FANCA: variants seen among roughly 807,000 people sequenced by gnomAD.
FANCA encodes FA complementation group A, also known as Fanconi anemia group A protein.
A neutral mutation model predicts 194.3 loss-of-function variants in FANCA; 236 were observed. The observed-to-expected ratio is 1.21, with a 90% CI of 1.09 to 1.35. FANCA has a LOEUF of 1.35. FANCA is among the 40% of genes most tolerant of loss of function. The pLI is 0.00. For synonymous variants in FANCA, 1,014 were observed against 715.8 expected, an observed-to-expected ratio of 1.42 and a Z score of -6.65; for missense variants, 2,628 against 1,813.9, an observed-to-expected ratio of 1.45 and a Z score of -8.15.
intron 32 of FANCA, 47 bp from the exon 33 acceptor site, chr16:89,748,814 T>G: frequency 2.0e-6 from 3 of 1,491,630 alleles, no homozygotes; most frequent in South Asian, 1.2e-5. Context: ...GCGTACACTC[T>G]GCTCCTTCCC....
Position 89,762,006 on chromosome 16 carries a change from C to A in FANCA, c.2795G>T (p.Trp932Leu). The change falls in exon 29 of 43, where the codon TGG (tryptophan) becomes TTG (leucine). Residue 932 changes from tryptophan to leucine, a missense_variant. Physicochemically the swap from Trp to Leu is moderately conservative, Grantham distance 61 (BLOSUM62 -2). Coordinates refer to ENST00000389301, the MANE Select transcript of FANCA (RefSeq NM_000135.4). ...EEDVHLTYQD[W>L]LHLELEIQPE... ...TTGAATTTCCAGCTCCAGGTGTAACCAGTCTTGGTAAGTTAACTGAGAAAG... is the reference window on the plus strand; with the variant it reads ...TTGAATTTCCAGCTCCAGGTGTAACAAGTCTTGGTAAGTTAACTGAGAAAG... 6.2e-7 allele frequency: 1 copy of A among 1,613,870 alleles called. No homozygotes were observed. Among genetic ancestry groups the A allele is most frequent in the East Asian group, 2.2e-5 (1 of 44,880 alleles).
At chr16:89,766,106 C>T (rs759382261) in intron 27 of FANCA, among the ~76,000 whole-genome samples, 3 of 151,754 alleles carry the variant, frequency 2.0e-5, no homozygotes, top group Non-Finnish European at 4.4e-5. Context: ...AAGCGATTCT[C>T]CTGCCTCAGC....
intron 6 of FANCA, among the ~76,000 whole-genome samples, chr16:89,807,344 C>G (rs1160625569): frequency 6.6e-6 from 1 of 151,952 alleles, no homozygotes; most frequent in African/African-American, 2.4e-5. Flanking sequence ...GTAGTCCCAG[C>G]TACTGAGGAG....
chr16:89,792,657 CGA>C (rs1567636947), intron 11 of FANCA, 110 bp from the exon 12 acceptor site: 13 of 831,694 alleles, frequency 1.6e-5, no homozygotes, highest in African/African-American at 1.4e-4. Flanking sequence ...TGTGCGGCGA[CGA>C]GAGAGTGTAG....
chr16:89,811,500 C>A (rs1374561116), intron 3 of FANCA, among the ~76,000 whole-genome samples: 3 of 152,124 alleles, frequency 2.0e-5, no homozygotes, highest in Non-Finnish European at 2.9e-5. Flanking sequence ...TAAAATTAGG[C>A]AGGGATTTCC....
rs1276688481 is a variant in FANCA at position 89,759,327 on chromosome 16, A to T, written c.2853-622T>A. Among the ~76,000 whole-genome samples, 350 of 124,108 alleles carry T rather than the reference A, an allele frequency of 2.8e-3. 16 individuals are homozygous for T. The highest frequency in any genetic ancestry group is 8.8e-3 in the African/African-American group (331 of 37,674). 81.4% of individuals were successfully genotyped at this position (124,108 alleles called of 152,430 possible). On this transcript the variant is annotated intron_variant, in intron 29 of 42. Coordinates refer to ENST00000389301, the MANE Select transcript of FANCA (RefSeq NM_000135.4). ...AGAGCGAGACTCCGTCTAAAAAAAA[A>T]AAAAAAAAAAAAAAAAAAAAAAGTA...
intron 33 of FANCA, among the ~76,000 whole-genome samples, chr16:89,747,156 G>T (rs1194560417): frequency 6.6e-6 from 1 of 152,176 alleles, no homozygotes; most frequent in Non-Finnish European, 1.5e-5. Context: ...AGCCAGGGAG[G>T]CACAAGCAGC....
chr16:89,805,416 C>G, intron 6 of FANCA, 24 bp from the exon 7 acceptor site: 1 of 1,573,416 alleles, frequency 6.4e-7, no homozygotes, highest in Non-Finnish European at 8.7e-7. Context: ...CAGAGGCAGA[C>G]GTAAGGCTCA....
chr16:89,812,895 C>T (rs530245441), intron 3 of FANCA, among the ~76,000 whole-genome samples: 5 of 150,264 alleles, frequency 3.3e-5, no homozygotes, highest in Admixed American at 1.3e-4. Context: ...TAGCTGGGTG[C>T]GGCGGCGGGC....
At chr16:89,791,888 A>C (rs1555561678) in intron 13 of FANCA, 39 bp downstream of exon 13, 1 of 1,612,454 alleles carries the variant, frequency 6.2e-7, no homozygotes, top group Non-Finnish European at 8.5e-7. Flanking sequence ...CCCTACACAC[A>C]CTCTTGACCA....
chr16:89,757,251 C>A (rs1237569613), intron 30 of FANCA, among the ~76,000 whole-genome samples: 2 of 152,088 alleles, frequency 1.3e-5, no homozygotes, highest in Non-Finnish European at 2.9e-5. Flanking sequence ...TGAGCCACTG[C>A]GCCCAGCCTC....
intron 3 of FANCA, among the ~76,000 whole-genome samples, chr16:89,811,624 A>G (rs1454872491): frequency 6.6e-6 from 1 of 152,212 alleles, no homozygotes; most frequent in Non-Finnish European, 1.5e-5. Flanking sequence ...CTCCTGAGCA[A>G]CCAGCCACTG....
At chr16:89,787,425 T>C (rs4785596) in intron 14 of FANCA, among the ~76,000 whole-genome samples, 73,673 of 151,910 alleles carry the variant, frequency 0.48, 21,048 homozygotes, top group East Asian at 0.77. Flanking sequence ...CAGGAGGCTG[T>C]GGCAGGAGAA....
rs1386649092 is a variant in FANCA at position 89,739,032 on chromosome 16, T to G, written c.4168-58A>C. 4 of 1,613,976 alleles carry G rather than the reference T, an allele frequency of 2.5e-6. No homozygotes were observed. The South Asian group carries it at 3.3e-5, about 13-fold the overall frequency. ...AAGACATACAGAAACAGGGCTGGTG[T>G]GTCCCCCATAGTCTGCATGCTGTGC... On this transcript the variant is annotated intron_variant, in intron 41 of 42. Coordinates refer to ENST00000389301, the MANE Select transcript of FANCA (RefSeq NM_000135.4).
rs1447656431 is a variant in FANCA at position 89,815,883 on chromosome 16, C to T, written c.183G>A (p.Leu61=). 1 of 1,612,304 alleles carries T rather than the reference C, an allele frequency of 6.2e-7. No homozygotes were observed. Among genetic ancestry groups the T allele is most frequent in the Admixed American group, 1.7e-5 (1 of 60,012 alleles). Reference sequence around the variant, plus strand: ...GACACCAGCTTCCTCTTACCTCAAGCAAAAGGGCATTCAGGTCCTGATGGC... The same window carrying T: ...GACACCAGCTTCCTCTTACCTCAAGTAAAAGGGCATTCAGGTCCTGATGGC... ...LRSHQDLNAL[L]LEVEGPLCKK... Residue 61 remains leucine (L), a synonymous_variant, in exon 2 of 43, where the codon TTG becomes TTA. Coordinates refer to ENST00000389301, the MANE Select transcript of FANCA (RefSeq NM_000135.4).
chr16:89,809,765 A>C (rs1221636613), intron 5 of FANCA, among the ~76,000 whole-genome samples: 1 of 152,086 alleles, frequency 6.6e-6, no homozygotes, highest in African/African-American at 2.4e-5. Context: ...AGGCGGGAGA[A>C]TGGCGTGAAC....
chr16:89,813,854 G>A (rs1007744581), intron 3 of FANCA, among the ~76,000 whole-genome samples: 18 of 151,762 alleles, frequency 1.2e-4, no homozygotes, highest in Non-Finnish European at 2.4e-4. Flanking sequence ...GTGCGTGCAT[G>A]TACTAACTAT....
At chr16:89,789,997 C>A (rs560159829) in intron 14 of FANCA, among the ~76,000 whole-genome samples, 20 of 152,254 alleles carry the variant, frequency 1.3e-4, no homozygotes, top group African/African-American at 4.8e-4. Flanking sequence ...GGTTCAGGAA[C>A]AGCTGCATAA....
chr16:89,750,298 G>A (rs2038539597), intron 31 of FANCA, among the ~76,000 whole-genome samples: 1 of 151,594 alleles, frequency 6.6e-6, no homozygotes, highest in African/African-American at 2.4e-5. Flanking sequence ...TGGCTAACAT[G>A]GTGAAACCCT....
Sources: allele counts gnomAD v4.1 joint callset (sites outside exome capture counted in the v4.1 genomes callset), GRCh38; gene constraint gnomAD v4.1.1; transcripts MANE v1.5; gene names NCBI Gene and HGNC (gene_info 2026-07-23, HGNC 2026-07-21).